Variants in AXIN2 observed in about 807,000 individuals in gnomAD.
AXIN2 encodes axin 2, also known as axin-2.
AXIN2 carries 21 observed loss-of-function variants against 74.7 expected under a neutral mutation model. The ratio of observed to expected loss-of-function variants is 0.28; its 90% confidence interval spans 0.20 to 0.40. The LOEUF (loss-of-function observed/expected upper bound fraction) is 0.40, where lower values mean the gene tolerates loss of function less well. Among genes scored for constraint, AXIN2 ranks in the 10% least tolerant of loss-of-function variants. The pLI is 1.00. For synonymous variants in AXIN2, 532 were observed against 454.9 expected, an observed-to-expected ratio of 1.17 and a Z score of -2.16; for missense variants, 1,144 against 1,111.1, an observed-to-expected ratio of 1.03 and a Z score of -0.42.
intron 5 of AXIN2, 94 bp from the exon 6 acceptor site, chr17:65,537,929 CGCACACCCGTGT>C (rs1410414031): frequency 2.1e-6 from 3 of 1,458,628 alleles, no homozygotes; most frequent in African/African-American, 2.8e-5. Context: ...CGCAGGAGCA[CGCACACCCGTGT>C]GCACGCCCAC....
In AXIN2 at chr17:65,560,808, T is replaced by C. The variant is rs2044357212; in HGVS notation, c.-117+642A>G. On this transcript the variant is annotated intron_variant, in intron 1 of 10. Transcript: ENST00000307078. ...AAAGCGCGCGGTCCGCCCGGCCGCC[T>C]CGGCCTCGGCACTCACCATTGATCC... The C allele has an allele frequency of 2.0e-5, 3 of 149,190 alleles. No individual in the cohort carries two copies. In the South Asian group the frequency reaches 6.4e-4, roughly 32 times the overall value. The allele number at this position is 149,190 out of a possible 1,614,324, so 9.2% of individuals were successfully genotyped here. A position where few individuals can be genotyped will look rare whatever the true frequency, so the allele number is the denominator to read the frequency against.
chr17:65,545,912 C>T (rs2044111518), intron 3 of AXIN2, among the ~76,000 whole-genome samples: 1 of 152,164 alleles, frequency 6.6e-6, no homozygotes, highest in Non-Finnish European at 1.5e-5. Context: ...CCAACTTCTA[C>T]CCAGGCCTCT....
At chr17:65,537,134 A>C in intron 6 of AXIN2, 71 bp from the exon 7 acceptor site, 4 of 1,564,268 alleles carry the variant, frequency 2.6e-6, no homozygotes, top group Non-Finnish European at 3.5e-6. Flanking sequence ...GAATCAGACA[A>C]TTCAGCAAGT....
chr17:65,529,826 C>T lies in AXIN2; in HGVS notation c.*150G>A. ...ATGAAAATCAACCTCCCCCCGCCCTCCCGAAGGCCCACTGGCCGATTCTTC... is the reference window on the plus strand; with the variant it reads ...ATGAAAATCAACCTCCCCCCGCCCTTCCGAAGGCCCACTGGCCGATTCTTC... On this transcript the variant is annotated 3_prime_UTR_variant, in exon 11 of 11. Transcript: ENST00000307078. The T allele has an allele frequency of 7.5e-7, 1 of 1,327,872 alleles. No homozygotes were observed. Among genetic ancestry groups the T allele is most frequent in the South Asian group, 1.3e-5 (1 of 79,688 alleles). The allele number at this position is 1,327,872 out of a possible 1,614,324, so 82.3% of individuals were successfully genotyped here. A position where few individuals can be genotyped will look rare whatever the true frequency, so the allele number is the denominator to read the frequency against.
At chr17:65,535,427 G>A (rs1179911653) in intron 9 of AXIN2, among the ~76,000 whole-genome samples, 199 bp downstream of exon 9, 1 of 152,174 alleles carries the variant, frequency 6.6e-6, no homozygotes, top group East Asian at 1.9e-4. Context: ...TGTATGACCA[G>A]AAAAACTTTT....
At chr17:65,547,973 C>T (rs993339337) in intron 3 of AXIN2, among the ~76,000 whole-genome samples, 11 of 152,162 alleles carry the variant, frequency 7.2e-5, no homozygotes, top group African/African-American at 2.7e-4. Flanking sequence ...AAATTATGCC[C>T]TGTCTAATAC....
At chr17:65,553,734 G>A (rs2044225291) in intron 2 of AXIN2, among the ~76,000 whole-genome samples, 1 of 151,862 alleles carries the variant, frequency 6.6e-6, no homozygotes, top group African/African-American at 2.4e-5. Flanking sequence ...AGGCAGGGTT[G>A]TGGGGAGAGG....
intron 9 of AXIN2, among the ~76,000 whole-genome samples, 184 bp from the exon 10 acceptor site, chr17:65,534,263 A>C (rs1324758456): frequency 2.0e-5 from 3 of 152,272 alleles, no homozygotes; most frequent in Non-Finnish European, 4.4e-5. Context: ...TCTGGGGGAC[A>C]CACAGTCCAA....
intron 8 of AXIN2, 56 bp from the exon 9 acceptor site, chr17:65,535,777 T>C: frequency 4.6e-6 from 7 of 1,511,052 alleles, no homozygotes; most frequent in East Asian, 2.3e-5. Flanking sequence ...CCCAGAGCAA[T>C]TGAAAAGCAG....
At position 65,557,788 on chromosome 17, in the gene AXIN2, C is replaced by G. The variant is rs763096335; in HGVS notation, c.815+18G>C. Reference sequence around the variant, plus strand: ...AAAGTCCACAGCATCAGCCCACCCGCCCCCGTCAAAGTCTTACCTGTATCC... The same window carrying G: ...AAAGTCCACAGCATCAGCCCACCCGGCCCCGTCAAAGTCTTACCTGTATCC... On this transcript the variant is annotated intron_variant, in intron 2 of 10. Coordinates refer to ENST00000307078, the MANE Select transcript of AXIN2 (RefSeq NM_004655.4). The G allele has an allele frequency of 2.2e-5, 35 of 1,613,218 alleles. No individual in the cohort carries two copies. The highest frequency in any genetic ancestry group is 3.0e-5 in the Non-Finnish European group (35 of 1,179,266).
rs776060531 is a variant in AXIN2, at chr17:65,557,847, C to T, written c.774G>A (p.Thr258=). The T allele has an allele frequency of 1.9e-6, 3 of 1,614,102 alleles. No individual in the cohort carries two copies. The African/African-American group carries it at 4.0e-5, about 22-fold the overall frequency. Residue 258 remains threonine (T), a synonymous_variant, in exon 2 of 11, where the codon ACG becomes ACA. Coordinates refer to ENST00000307078, the MANE Select transcript of AXIN2 (RefSeq NM_004655.4). ...CAGTTTCCGTGGACCTCACACTCGC[C>T]GTGGCCCTCAGAGTTTTGCTGGACA... is the stretch of plus-strand genomic sequence containing the variant. ...VGLSSKTLRA[T]ASVRSTETVD...
At chr17:65,551,861 G>A (rs1309158806) in intron 2 of AXIN2, among the ~76,000 whole-genome samples, 1 of 152,206 alleles carries the variant, frequency 6.6e-6, no homozygotes, top group Non-Finnish European at 1.5e-5. Context: ...CTGTCCGACT[G>A]CATCAAGTCA....
At position 65,536,947 on chromosome 17, in the gene AXIN2, C is replaced by A. The variant is rs376248072; in HGVS notation, c.1829G>T (p.Arg610Leu). 1.2e-6 allele frequency: 2 copies of A among 1,613,538 alleles called. No homozygotes were observed. Among genetic ancestry groups the A allele is most frequent in the South Asian group, 1.1e-5 (1 of 91,070 alleles). The stretch of plus-strand genomic sequence containing the variant: ...ATCCTGCGACCTGTCTCCTTCCTCC[C>A]GGGGAAGCTGCAGGGCCCCAGCTCC... ...PGGAGALQLPREEGDRSQDVW... is the reference protein window; with the variant it reads ...PGGAGALQLPLEEGDRSQDVW... Residue 610 changes from arginine (R) to leucine (L), a missense_variant, in exon 7 of 11, where the codon CGG becomes CTG. Arg to Leu is a moderately radical substitution (Grantham distance 102). This residue lies in a region of AXIN2 where 1,053 missense variants were observed against 973.5 expected (regional missense o/e 1.08). Transcript: ENST00000307078.
chr17:65,546,874 G>T (rs1040245250), intron 3 of AXIN2, among the ~76,000 whole-genome samples: 4 of 152,142 alleles, frequency 2.6e-5, no homozygotes. Context: ...ATACTCACAG[G>T]TTCTGCCACC....
rs766935285 is a variant in AXIN2 at position 65,557,969 on chromosome 17, G to C, written c.652C>G (p.Leu218Val). 8.7e-6 allele frequency: 14 copies of C among 1,614,008 alleles called. No homozygotes were observed. The Admixed American group carries it at 1.5e-4, about 17-fold the overall frequency. ...AYMSNGGLGS[L>V]KVVCGYLPTL... ...GGGAGATAGCCACACACGACCTTTA[G>C]GCTCCCGAGTCCCCCATTACTCATG... The change falls in exon 2 of 11, where the codon CTA (leucine) becomes GTA (valine). Residue 218 changes from leucine (L) to valine (V), a missense_variant. Physicochemically the swap from Leu to Val is conservative, Grantham distance 32. Transcript: ENST00000307078.
intron 9 of AXIN2, among the ~76,000 whole-genome samples, chr17:65,534,654 C>T (rs952712390): frequency 2.6e-5 from 4 of 152,170 alleles, no homozygotes; most frequent in African/African-American, 9.7e-5. Flanking sequence ...CTAGGCCGGG[C>T]GTGGTGGCTC....
At chr17:65,541,965 G>A (rs1027577886) in intron 3 of AXIN2, among the ~76,000 whole-genome samples, 2 of 152,174 alleles carry the variant, frequency 1.3e-5, no homozygotes, top group African/African-American at 4.8e-5. Flanking sequence ...TTCAAACCAG[G>A]AACCAGTGCC....
intron 10 of AXIN2, among the ~76,000 whole-genome samples, chr17:65,531,696 G>A (rs1460079465): frequency 6.6e-6 from 1 of 151,990 alleles, no homozygotes; most frequent in African/African-American, 2.4e-5. Context: ...CCCACCCCCA[G>A]GACTTCAAAC....
At chr17:65,538,975 T>C (rs1445535290) in intron 4 of AXIN2, among the ~76,000 whole-genome samples, 1 of 152,086 alleles carries the variant, frequency 6.6e-6, no homozygotes, top group Non-Finnish European at 1.5e-5. Flanking sequence ...TCTCTCTTTG[T>C]ACAGAAAATG....
Sources: gnomAD v4.1 joint callset for allele counts (sites outside exome capture counted in the v4.1 genomes callset) on GRCh38, gnomAD v4.1.1 for gene constraint, gnomAD v4.1.1 regional missense constraint, MANE v1.5 for transcripts, NCBI Gene and HGNC (gene_info 2026-07-23, HGNC 2026-07-21) for gene names.